The following EPHX1 variants were observed in gnomAD, a reference collection of about 807,000 sequenced individuals.
EPHX1 encodes epoxide hydratase.
Under a neutral mutation model 43.2 loss-of-function variants are expected in EPHX1, and 40 were observed. That is an observed-to-expected ratio of 0.93 (90% CI 0.72 to 1.21). The LOEUF (loss-of-function observed/expected upper bound fraction) is 1.21. EPHX1 is among the 50% of genes most tolerant of loss of function. The pLI is 0.00. For synonymous variants in EPHX1, 221 were observed against 226.7 expected (o/e 0.98, Z 0.22); for missense variants, 550 against 570.4 (o/e 0.96, Z 0.36).
At chr1:225,841,601 C>CT (rs35827447) in intron 6 of EPHX1, among the ~76,000 whole-genome samples, 25,571 of 104,394 alleles carry the variant, frequency 0.24, 3,608 homozygotes, top group African/African-American at 0.26. Flanking sequence ...CTGTCCCAGC[C>CT]TTTTTTTTTT....
intron 3 of EPHX1, among the ~76,000 whole-genome samples, chr1:225,835,954 A>T (rs1159763286): frequency 1.3e-5 from 2 of 151,996 alleles, no homozygotes; most frequent in Non-Finnish European, 2.9e-5. Flanking sequence ...TGGTTCTGGC[A>T]CCCTGCCCGG....
chr1:225,819,656 G>C (rs1421934460), intron 1 of EPHX1, among the ~76,000 whole-genome samples: 3 of 152,100 alleles, frequency 2.0e-5, no homozygotes, highest in Admixed American at 2.0e-4. Flanking sequence ...GTAGCAGGGC[G>C]GGTAATGTCA....
intron 3 of EPHX1, among the ~76,000 whole-genome samples, chr1:225,833,840 G>C (rs1255544224): frequency 6.7e-6 from 1 of 149,184 alleles, no homozygotes; most frequent in Non-Finnish European, 1.5e-5. Context: ...GCTCACGCCT[G>C]TAATCCCAGC....
intron 1 of EPHX1, among the ~76,000 whole-genome samples, chr1:225,822,690 A>G (rs551423662): frequency 9.0e-4 from 137 of 152,344 alleles, no homozygotes; most frequent in Non-Finnish European, 1.7e-3. Context: ...CTGCCCCTTG[A>G]TGCTGAGAAT....
At chr1:225,835,614 C>T (rs572569915) in intron 3 of EPHX1, among the ~76,000 whole-genome samples, 2 of 151,904 alleles carry the variant, frequency 1.3e-5, no homozygotes, top group South Asian at 2.1e-4. Context: ...TGATCTTGAT[C>T]GCCTGACCTC....
At chr1:225,821,567 T>C (rs1422712451) in intron 1 of EPHX1, among the ~76,000 whole-genome samples, 2 of 46,290 alleles carry the variant, frequency 4.3e-5, no homozygotes, top group Non-Finnish European at 7.3e-5. Flanking sequence ...TTTTGGTTCT[T>C]TTTTTTTTTT....
At chr1:225,812,423 A>G (rs1471366496) in intron 1 of EPHX1, among the ~76,000 whole-genome samples, 2 of 152,172 alleles carry the variant, frequency 1.3e-5, no homozygotes, top group Non-Finnish European at 2.9e-5. Flanking sequence ...GGAAGCCCTG[A>G]ATGAGGGCTC....
intron 1 of EPHX1, among the ~76,000 whole-genome samples, chr1:225,823,470 G>T (rs1297995848): frequency 6.6e-6 from 1 of 152,330 alleles, no homozygotes; most frequent in East Asian, 1.9e-4. Flanking sequence ...CACCCAAGTT[G>T]GCCATCAAGC....
At chr1:225,824,594 G>A (rs776002236) in intron 1 of EPHX1, among the ~76,000 whole-genome samples, 5 of 152,228 alleles carry the variant, frequency 3.3e-5, no homozygotes, top group Admixed American at 6.5e-5. Context: ...TTCGCCAGGC[G>A]GCTTTATTTG....
chr1:225,824,026 C>T (rs977096095), intron 1 of EPHX1, among the ~76,000 whole-genome samples: 1 of 152,146 alleles, frequency 6.6e-6, no homozygotes, highest in Non-Finnish European at 1.5e-5. Context: ...TCCTCCCTGC[C>T]TGGGCGGTGG....
chr1:225,815,911 A>C (rs2102680870), intron 1 of EPHX1, among the ~76,000 whole-genome samples: 1 of 152,250 alleles, frequency 6.6e-6, no homozygotes, highest in South Asian at 2.1e-4. Context: ...GAGTGTGGTT[A>C]ATGGTGGGAA....
intron 1 of EPHX1, among the ~76,000 whole-genome samples, chr1:225,813,714 A>T (rs933080344): frequency 6.6e-6 from 1 of 152,146 alleles, no homozygotes. Flanking sequence ...ATTCCAGGAG[A>T]TGGGTTCAGA....
At chr1:225,843,230 G>C (rs1668583401) in intron 7 of EPHX1, among the ~76,000 whole-genome samples, 1 of 152,214 alleles carries the variant, frequency 6.6e-6, no homozygotes, top group African/African-American at 2.4e-5. Context: ...CTAAGCGGCA[G>C]AGAGGGGAAA....
Position 225,845,287 on chromosome 1 carries a change from G to A in EPHX1, c.1308G>A (p.Glu436=). 1 of 1,612,990 alleles carries A rather than the reference G, an allele frequency of 6.2e-7. No individual in the cohort carries two copies. Among genetic ancestry groups the A allele is most frequent in the Admixed American group, 1.7e-5 (1 of 60,008 alleles). The change falls in exon 9 of 9, where the codon GAG becomes GAA. Residue 436 remains glutamate (E), a synonymous_variant. Coordinates refer to ENST00000272167, the MANE Select transcript of EPHX1 (RefSeq NM_001136018.4). ...GTGGGGGCCACTTTGCGGCCTTTGA[G>A]GAGCCGGAGCTGCTCGCCCAGGACA... is the stretch of plus-strand genomic sequence containing the variant. ...MVRGGHFAAF[E]EPELLAQDIR... is the part of the protein sequence containing the mutation.
intron 3 of EPHX1, among the ~76,000 whole-genome samples, chr1:225,835,217 A>C (rs1156750737): frequency 6.6e-6 from 1 of 151,892 alleles, no homozygotes; most frequent in Non-Finnish European, 1.5e-5. Flanking sequence ...AGGGTTCTTC[A>C]TGAGACTGGG....
At chr1:225,828,307 G>C (rs1667365203) in intron 1 of EPHX1, among the ~76,000 whole-genome samples, 1 of 151,326 alleles carries the variant, frequency 6.6e-6, no homozygotes, top group Non-Finnish European at 1.5e-5. Flanking sequence ...TTGTGCCACT[G>C]CACTCCAGCC....
At chr1:225,827,263 C>T (rs1368901338) in intron 1 of EPHX1, among the ~76,000 whole-genome samples, 1 of 152,124 alleles carries the variant, frequency 6.6e-6, no homozygotes, top group Non-Finnish European at 1.5e-5. Context: ...GCGAGGGGCG[C>T]TGCTGGGGCG....
intron 1 of EPHX1, among the ~76,000 whole-genome samples, chr1:225,823,447 C>T (rs908445968): frequency 3.9e-5 from 6 of 152,188 alleles, no homozygotes; most frequent in African/African-American, 1.4e-4. Context: ...CAGGCTGGCT[C>T]CTTAAATGGC....
chr1:225,832,085 C>A, intron 3 of EPHX1, 126 bp downstream of exon 3: 1 of 1,015,724 alleles, frequency 9.8e-7, no homozygotes, highest in Non-Finnish European at 1.5e-6. Flanking sequence ...CTGAGATGTA[C>A]TTATACGTTG....
Sources: gnomAD v4.1 joint callset for allele counts (sites outside exome capture counted in the v4.1 genomes callset) on GRCh38, gnomAD v4.1.1 for gene constraint, MANE v1.5 for transcripts, NCBI Gene and HGNC (gene_info 2026-07-23, HGNC 2026-07-21) for gene names.